The following UTRN variants were observed in gnomAD, a reference collection of about 807,000 sequenced individuals.
The protein encoded by UTRN is utrophin, also known as dystrophin-related protein 1.
A neutral mutation model predicts 463.9 loss-of-function variants in UTRN; 283 were observed. The ratio of observed to expected loss-of-function variants is 0.61; its 90% CI spans 0.55 to 0.67. The LOEUF (loss-of-function observed/expected upper bound fraction) is 0.67. Among genes scored for constraint, UTRN ranks in the 30% least tolerant of loss-of-function variants. UTRN has a pLI of 0.00. For synonymous variants in UTRN, 1,442 were observed against 1,431.5 expected (o/e 1.01, Z -0.17); for missense variants, 3,922 against 4,084.3 (o/e 0.96, Z 1.08).
At chr6:144,827,304 AGT>A in intron 66 of UTRN, 42 bp from the exon 67 acceptor site, 1 of 1,610,642 alleles carries the variant, frequency 6.2e-7, no homozygotes, top group Non-Finnish European at 8.5e-7. Context: ...ATTGCTCTAA[AGT>A]GTTTGTTCTG....
chr6:144,826,290 T>C (rs1222776021), intron 66 of UTRN, among the ~76,000 whole-genome samples: 3 of 152,086 alleles, frequency 2.0e-5, no homozygotes, highest in East Asian at 3.8e-4. Flanking sequence ...CACTTCACTA[T>C]AGGAGATGAA....
intron 57 of UTRN, among the ~76,000 whole-genome samples, chr6:144,757,601 A>T (rs1792151018): frequency 1.3e-5 from 2 of 152,084 alleles, no homozygotes; most frequent in Non-Finnish European, 2.9e-5. Flanking sequence ...GCTTTATCAA[A>T]AATATATATG....
intron 2 of UTRN, among the ~76,000 whole-genome samples, chr6:144,335,719 A>G (rs1776667363): frequency 6.6e-6 from 1 of 152,206 alleles, no homozygotes; most frequent in African/African-American, 2.4e-5. Flanking sequence ...CTCGTGGCTC[A>G]TAAATAAACT....
intron 2 of UTRN, 62 bp downstream of exon 2, chr6:144,291,969 T>C (rs2114510098): frequency 6.6e-7 from 1 of 1,515,356 alleles, no homozygotes; most frequent in East Asian, 2.3e-5. Context: ...CTATGTTTCT[T>C]GGATTGATTT....
chr6:144,334,577 A>G (rs1776583068), intron 2 of UTRN, among the ~76,000 whole-genome samples: 1 of 152,086 alleles, frequency 6.6e-6, no homozygotes, highest in South Asian at 2.1e-4. Context: ...GCCACCTGAT[A>G]CCTGGAACCT....
At chr6:144,593,259 A>G (rs1431294826) in intron 51 of UTRN, among the ~76,000 whole-genome samples, 2 of 152,196 alleles carry the variant, frequency 1.3e-5, no homozygotes, top group African/African-American at 4.8e-5. Context: ...TTTTGAAAGA[A>G]AAGTACACTC....
At chr6:144,679,274 G>A (rs1349106958) in intron 52 of UTRN, among the ~76,000 whole-genome samples, 1 of 152,092 alleles carries the variant, frequency 6.6e-6, no homozygotes, top group African/African-American at 2.4e-5. Flanking sequence ...TATGATTAGT[G>A]TTATTGGGAT....
intron 43 of UTRN, among the ~76,000 whole-genome samples, chr6:144,535,464 A>G (rs1413128475): frequency 1.3e-5 from 2 of 152,224 alleles, no homozygotes; most frequent in African/African-American, 4.8e-5. Flanking sequence ...AAAGGTAGAT[A>G]TCTGTGGAGT....
intron 2 of UTRN, among the ~76,000 whole-genome samples, chr6:144,386,897 A>C (rs1424630112): frequency 1.3e-5 from 2 of 152,274 alleles, no homozygotes. Context: ...ATAAAAAAAA[A>C]CCAAAAACCA....
intron 24 of UTRN, 45 bp downstream of exon 24, chr6:144,473,878 T>C (rs1413780319): frequency 7.0e-7 from 1 of 1,428,142 alleles, no homozygotes; most frequent in Non-Finnish European, 9.8e-7. Flanking sequence ...TAACATTTTG[T>C]TCTTTTTCTA....
At chr6:144,743,308 A>G (rs1369719966) in intron 54 of UTRN, among the ~76,000 whole-genome samples, 1 of 152,238 alleles carries the variant, frequency 6.6e-6, no homozygotes. Flanking sequence ...ACATATGGGA[A>G]ATGTTTATTA....
At position 144,447,779 on chromosome 6, in the gene UTRN, C is replaced by T; in HGVS notation, c.1900C>T (p.Gln634Ter). The T allele has an allele frequency of 6.2e-7, 1 of 1,606,194 alleles. No individual in the cohort carries two copies. Among genetic ancestry groups the T allele is most frequent in the Non-Finnish European group, 8.5e-7 (1 of 1,175,964 alleles). The change falls in exon 16 of 75, where the codon CAG becomes TAG. Residue 634 changes from glutamine to a stop codon, truncating the protein, a stop_gained and splice_region_variant. Coordinates refer to ENST00000367545, the MANE Select transcript of UTRN (RefSeq NM_007124.3). LOFTEE classifies it high-confidence loss of function. ...LVQRLEDSSNQVTQAVAKLGM... is the reference protein window; with the variant it reads ...LVQRLEDSSN ...TCAGAGACTAGAAGATTCCTCCAAC[C>T]AGGTACTTTTTGATTTGGATCATAT...
chr6:144,823,033 C>T (rs1158846990), intron 66 of UTRN, among the ~76,000 whole-genome samples: 1 of 152,082 alleles, frequency 6.6e-6, no homozygotes, highest in Admixed American at 6.5e-5. Flanking sequence ...TGGTGTCAGT[C>T]ATCCTATTCT....
At chr6:144,577,638 A>G (rs913455353) in intron 51 of UTRN, among the ~76,000 whole-genome samples, 1 of 152,114 alleles carries the variant, frequency 6.6e-6, no homozygotes, top group Non-Finnish European at 1.5e-5. Flanking sequence ...TTCTTTCTCC[A>G]TTTATTATAC....
chr6:144,465,026 G>T (rs1789800660), intron 23 of UTRN, among the ~76,000 whole-genome samples: 1 of 152,170 alleles, frequency 6.6e-6, no homozygotes, highest in Non-Finnish European at 1.5e-5. Context: ...GACTTCCAGT[G>T]GGTAGAGGCC....
chr6:144,346,296 C>G (rs577920252), intron 2 of UTRN, among the ~76,000 whole-genome samples: 1 of 152,114 alleles, frequency 6.6e-6, no homozygotes, highest in African/African-American at 2.4e-5. Context: ...CTTTCCTGCC[C>G]TATGACCAAT....
chr6:144,721,863 C>G (rs952962236), intron 53 of UTRN, among the ~76,000 whole-genome samples: 1 of 152,274 alleles, frequency 6.6e-6, no homozygotes, highest in African/African-American at 2.4e-5. Flanking sequence ...AGTTTGTATA[C>G]ATTTGAACCA....
chr6:144,680,010 G>A (rs1454618980), intron 52 of UTRN, among the ~76,000 whole-genome samples: 1 of 152,050 alleles, frequency 6.6e-6, no homozygotes, highest in East Asian at 1.9e-4. Context: ...TTTAAGATTT[G>A]AATTTTCAAC....
intron 52 of UTRN, among the ~76,000 whole-genome samples, chr6:144,698,467 C>T (rs1291582474): frequency 6.6e-6 from 1 of 152,184 alleles, no homozygotes; most frequent in Non-Finnish European, 1.5e-5. Context: ...TCAGCATATG[C>T]TGATGAAAGG....
Sources: gnomAD v4.1 joint callset for allele counts (sites outside exome capture counted in the v4.1 genomes callset) on GRCh38, gnomAD v4.1.1 for gene constraint, MANE v1.5 for transcripts, NCBI Gene and HGNC (gene_info 2026-07-23, HGNC 2026-07-21) for gene names.